Variants in XKRX observed in about 807,000 individuals in gnomAD.
XKRX encodes XK-related protein 2.
A neutral mutation model predicts 22.4 loss-of-function variants in XKRX; 11 were observed. That is an observed-to-expected ratio of 0.49 (90% CI 0.31 to 0.81). XKRX has a LOEUF of 0.81. XKRX is among the 40% of genes least tolerant of loss of function. XKRX has a pLI of 0.05. For synonymous variants in XKRX, 114 were observed against 132.2 expected, an observed-to-expected ratio of 0.86 and a Z score of 0.94; for missense variants, 320 against 336.5, an observed-to-expected ratio of 0.95 and a Z score of 0.38.
At chrX:100,920,627 A>G (rs1397235184) in intron 2 of XKRX, among the ~76,000 whole-genome samples, 1 of 112,629 alleles carries the variant, frequency 8.9e-6, no homozygotes, top group African/African-American at 3.2e-5. Flanking sequence ...AACCATACAG[A>G]AGAATTTTAA....
At chrX:100,942,938 C>T in the XKRX span, among the ~76,000 whole-genome samples, 1 of 111,502 alleles carries the variant, frequency 9.0e-6, no homozygotes, top group Non-Finnish European at 1.9e-5. Context: ...GAGATACTAA[C>T]TCCACTCCCC....
At chrX:100,925,717 G>A (rs2031521785) in intron 1 of XKRX, among the ~76,000 whole-genome samples, 1 of 111,756 alleles carries the variant, frequency 8.9e-6, no homozygotes, top group Admixed American at 9.5e-5. Flanking sequence ...AAATTTCTTG[G>A]TTTCAAGGTC....
chrX:100,944,232 C>G, the XKRX span, among the ~76,000 whole-genome samples: 1 of 111,964 alleles, frequency 8.9e-6, no homozygotes, highest in Admixed American at 9.5e-5. Context: ...GATATGCTTT[C>G]TTAAAGCAGG....
the XKRX span, among the ~76,000 whole-genome samples, chrX:100,889,097 G>A: frequency 7.4e-5 from 8 of 108,111 alleles, no homozygotes; most frequent in Non-Finnish European, 1.5e-4. Flanking sequence ...AAAATTAGCC[G>A]GGCATGGTGG....
At position 100,914,479 on chromosome X, in the gene XKRX, C is replaced by A. The variant is rs142259934; in HGVS notation, c.1209G>T (p.Gln403His). Reference sequence around the variant, plus strand: ...AGAGTGAGCGCAATGGATGCAAGTACTGGAAGAAAAGGAGCATGAAGCCAA... The same window carrying A: ...AGAGTGAGCGCAATGGATGCAAGTAATGGAAGAAAAGGAGCATGAAGCCAA... Reference protein sequence around the residue: ...ISIGFMLLFFQYLHPLRSLFT... With the variant: ...ISIGFMLLFFHYLHPLRSLFT... Residue 403 changes from glutamine to histidine, a missense_variant, in exon 3 of 3, where the codon CAG becomes CAT. By Grantham distance (24) the Gln-to-His change is conservative. Coordinates refer to ENST00000372956, the MANE Select transcript of XKRX (RefSeq NM_212559.3). The A allele has an allele frequency of 9.5e-5, 115 of 1,210,339 alleles. No homozygotes were observed. In the African/African-American group the frequency reaches 1.8e-3, roughly 19 times the overall value.
At chrX:100,949,511 C>T in the XKRX span, among the ~76,000 whole-genome samples, 6 of 109,668 alleles carry the variant, frequency 5.5e-5, no homozygotes, top group Non-Finnish European at 1.1e-4. Flanking sequence ...GACTATAAGG[C>T]GTGCACCACC....
intron 2 of XKRX, among the ~76,000 whole-genome samples, chrX:100,918,650 C>G (rs1344422312): frequency 9.0e-6 from 1 of 111,598 alleles, no homozygotes; most frequent in Non-Finnish European, 1.9e-5. Context: ...TCTGTTTCTT[C>G]GTCTGTAAAA....
chrX:100,901,815 C>T, the XKRX span, among the ~76,000 whole-genome samples: 4 of 110,691 alleles, frequency 3.6e-5, no homozygotes, highest in Non-Finnish European at 1.9e-5. Context: ...GCCGGACCAA[C>T]ATGGTGAAAC....
chrX:100,951,129 G>A, the XKRX span, among the ~76,000 whole-genome samples: 1 of 106,848 alleles, frequency 9.4e-6, no homozygotes, highest in Non-Finnish European at 1.9e-5. Context: ...AGCTACTAGG[G>A]AGGCTAGGGC....
the XKRX span, chrX:100,887,539 C>T: frequency 2.1e-6 from 1 of 479,840 alleles, no homozygotes; most frequent in Non-Finnish European, 3.7e-6. Context: ...TAGGCCCTGT[C>T]ACCACTGTGC....
chrX:100,888,008 T>G, the XKRX span: 4 of 1,090,273 alleles, frequency 3.7e-6, no homozygotes, highest in South Asian at 7.3e-5. Flanking sequence ...CAGAACCACT[T>G]TGACCTCTTT....
At chrX:100,917,645 G>GAA (rs1429500428) in intron 2 of XKRX, among the ~76,000 whole-genome samples, 3 of 52,152 alleles carry the variant, frequency 5.8e-5, no homozygotes, top group Admixed American at 2.4e-4. Context: ...AAGAAAGAAA[G>GAA]AAAGAAAGAA....
rs1398361242 is a variant in XKRX at position 100,923,178 on chromosome X, G to T, written c.336-117C>A. On this transcript the variant is annotated intron_variant, in intron 1 of 2. Coordinates refer to ENST00000372956, the MANE Select transcript of XKRX (RefSeq NM_212559.3). ...TACTTTATTTTATTTTTGAGACAAGGTCTTACTCCATCACCCTGGCTGGAG... is the reference window on the plus strand; with the variant it reads ...TACTTTATTTTATTTTTGAGACAAGTTCTTACTCCATCACCCTGGCTGGAG... The T allele has an allele frequency of 4.4e-6, 4 of 904,938 alleles. No individual in the cohort carries two copies. The South Asian group carries it at 9.7e-5, about 22-fold the overall frequency. The allele number at this position is 904,938 out of a possible 1,213,427, so 74.6% of individuals were successfully genotyped here. A position where few individuals can be genotyped will look rare whatever the true frequency, so the allele number is the denominator to read the frequency against.
At chrX:100,938,774 C>G in the XKRX span, among the ~76,000 whole-genome samples, 1 of 112,348 alleles carries the variant, frequency 8.9e-6, no homozygotes, top group African/African-American at 3.2e-5. Flanking sequence ...ATTGATTCTA[C>G]ACACAGCACT....
chrX:100,952,520 C>A, the XKRX span, among the ~76,000 whole-genome samples: 2 of 110,456 alleles, frequency 1.8e-5, no homozygotes, highest in African/African-American at 6.6e-5. Flanking sequence ...CTCAATAAGG[C>A]AAGAAAAATG....
At chrX:100,924,333 T>C (rs1327132633) in intron 1 of XKRX, among the ~76,000 whole-genome samples, 1 of 111,759 alleles carries the variant, frequency 8.9e-6, no homozygotes, top group Non-Finnish European at 1.9e-5. Context: ...ATCACTGTAA[T>C]AGTTACTTTT....
chrX:100,932,003 T>G (rs1198616457), upstream of XKRX, among the ~76,000 whole-genome samples: 1 of 111,831 alleles, frequency 8.9e-6, no homozygotes, highest in African/African-American at 3.3e-5. Flanking sequence ...AACTAAATTA[T>G]CACGGGCTCC....
the XKRX span, among the ~76,000 whole-genome samples, chrX:100,901,480 A>G: frequency 8.9e-6 from 1 of 111,879 alleles, no homozygotes; most frequent in Non-Finnish European, 1.9e-5. Context: ...CTAAAAATCC[A>G]TGAAAGAAAA....
chrX:100,922,995 G>A lies in XKRX; in HGVS notation c.402C>T (p.Val134=). ...WKKEEQEEPY[V]SLTRKKMLID... is the part of the protein sequence containing the mutation. Reference sequence around the variant, plus strand: ...TTAGCATCTTCTTTCGGGTGAGGCTGACATAGGGCTCCTCCTGCTCCTCTT... The same window carrying A: ...TTAGCATCTTCTTTCGGGTGAGGCTAACATAGGGCTCCTCCTGCTCCTCTT... The change falls in exon 2 of 3, where the codon GTC becomes GTT. Residue 134 remains valine, a synonymous_variant. Transcript: ENST00000372956. The A allele has an allele frequency of 8.3e-7, 1 of 1,211,711 alleles. No individual in the cohort carries two copies. The highest frequency in any genetic ancestry group is 1.1e-6 in the Non-Finnish European group (1 of 895,471).
Sources: gnomAD v4.1 joint callset for allele counts (sites outside exome capture counted in the v4.1 genomes callset) on GRCh38, gnomAD v4.1.1 for gene constraint, MANE v1.5 for transcripts, NCBI Gene and HGNC (gene_info 2026-07-23, HGNC 2026-07-21) for gene names.